GRHL1: variants seen among roughly 807,000 people sequenced by gnomAD.
GRHL1 encodes grainyhead like transcription factor 1, also known as grainyhead-like protein 1 homolog.
In GRHL1, 38 loss-of-function variants were observed where a neutral mutation model predicts 75.7. That is an observed-to-expected ratio of 0.50 (90% CI 0.39 to 0.66). GRHL1 has a LOEUF of 0.66. GRHL1 is among the 30% of genes least tolerant of loss of function. The pLI is 0.00. For missense variants in GRHL1, 589 were observed against 767.5 expected, an observed-to-expected ratio of 0.77 and a Z score of 2.75; for synonymous variants, 266 against 279.4, an observed-to-expected ratio of 0.95 and a Z score of 0.48.
intron 12 of GRHL1, among the ~76,000 whole-genome samples, chr2:9,994,868 G>A (rs1242300218): frequency 2.0e-5 from 3 of 152,142 alleles, no homozygotes; most frequent in African/African-American, 7.2e-5. Flanking sequence ...TCCTTGGTCT[G>A]TTCTCACCTT....
chr2:9,964,988 A>G (rs1396467842), intron 7 of GRHL1: 1 of 286,460 alleles, frequency 3.5e-6, no homozygotes, highest in African/African-American at 2.2e-5. Flanking sequence ...ACTCAGTTCT[A>G]ATCTTGGTTC....
intron 1 of GRHL1, chr2:9,952,856 A>G (rs1666850635): frequency 1.2e-5 from 4 of 333,270 alleles, no homozygotes; most frequent in South Asian, 9.5e-5. Context: ...TTTCTGGATG[A>G]GATAGATATT....
In GRHL1 at chr2:9,993,250, AT is replaced by A; in HGVS notation, c.1499+9del. ...GAAGAATTGGAGGGTGAAGGGTAAG[AT>A]TTATGTTTTGTTTTGTTTTGTTTTA... On this transcript the variant is annotated splice_region_variant and intron_variant, in intron 12 of 15. Coordinates refer to ENST00000324907, the MANE Select transcript of GRHL1 (RefSeq NM_198182.3). The A allele has an allele frequency of 6.2e-7, 1 of 1,607,806 alleles. No homozygotes were observed. Among genetic ancestry groups the A allele is most frequent in the Non-Finnish European group, 8.5e-7 (1 of 1,174,292 alleles).
At chr2:9,954,028 A>G (rs960127054) in intron 1 of GRHL1, among the ~76,000 whole-genome samples, 3 of 152,192 alleles carry the variant, frequency 2.0e-5, no homozygotes, top group Non-Finnish European at 4.4e-5. Context: ...GGAATTAGTA[A>G]TGTTTGCTTT....
intron 14 of GRHL1, among the ~76,000 whole-genome samples, chr2:9,997,325 A>C (rs1336843219): frequency 1.3e-5 from 2 of 152,140 alleles, no homozygotes; most frequent in Non-Finnish European, 2.9e-5. Context: ...GAAGATTAAT[A>C]AAGCAGGGAG....
At chr2:9,959,045 G>C (rs1572335536) in intron 3 of GRHL1, 189 bp downstream of exon 3, 1 of 807,358 alleles carries the variant, frequency 1.2e-6, no homozygotes, top group East Asian at 3.3e-5. Flanking sequence ...TTTTTCTTTG[G>C]GCGTAGTAGT....
intron 9 of GRHL1, among the ~76,000 whole-genome samples, chr2:9,989,727 T>C (rs900258848): frequency 6.6e-6 from 1 of 152,102 alleles, no homozygotes; most frequent in African/African-American, 2.4e-5. Context: ...TTTTTTGTAT[T>C]TTTAATGGAG....
rs772026086 is a variant in GRHL1, at chr2:9,986,180, G to A, written c.1167G>A (p.Lys389=). Residue 389 remains lysine, a synonymous_variant, in exon 9 of 16, where the codon AAG becomes AAA. Transcript: ENST00000324907. ...ATTTCTCTTCCCAGAAGGGAGTGAA[G>A]GGGTTGCCTCTTAACATTCAAGTTG... ...STDFSSQKGV[K]GLPLNIQVDT... 1 of 1,613,690 alleles carries A rather than the reference G, an allele frequency of 6.2e-7. No individual in the cohort carries two copies. The highest frequency in any genetic ancestry group is 1.7e-5 in the Admixed American group (1 of 59,972).
At chr2:9,978,846 C>T (rs1668063931) in intron 8 of GRHL1, among the ~76,000 whole-genome samples, 1 of 152,004 alleles carries the variant, frequency 6.6e-6, no homozygotes, top group South Asian at 2.1e-4. Flanking sequence ...CAAAGATTAG[C>T]CATGTGTGGT....
intron 2 of GRHL1, among the ~76,000 whole-genome samples, chr2:9,956,719 T>C (rs1667043819): frequency 6.6e-6 from 1 of 152,244 alleles, no homozygotes; most frequent in African/African-American, 2.4e-5. Flanking sequence ...AATTATTATA[T>C]ATCTGTTCTT....
chr2:9,995,587 A>C (rs1273533834), intron 12 of GRHL1, among the ~76,000 whole-genome samples: 2 of 85,446 alleles, frequency 2.3e-5, no homozygotes, highest in Non-Finnish European at 4.4e-5. Context: ...CCTGTCTCAC[A>C]AAAAAAAAAA....
Position 9,987,530 on chromosome 2 carries a change from C to T in GRHL1, c.1269+1248C>T, listed in dbSNP as rs1160057424. Among the ~76,000 whole-genome samples, 3 of 152,152 alleles carry T rather than the reference C, an allele frequency of 2.0e-5. No individual in the cohort carries two copies. Among genetic ancestry groups the T allele is most frequent in the Non-Finnish European group, 2.9e-5 (2 of 68,016 alleles). The stretch of plus-strand genomic sequence containing the variant: ...GTGCTGTGCCTTCACAGCCCTCTTC[C>T]CCAAAGGCCCTTCAATAAGCATGGG... On this transcript the variant is annotated intron_variant, in intron 9 of 15. Transcript: ENST00000324907. The surrounding 1 kb of genome is among the most constrained non-coding windows in gnomAD (Gnocchi z 4.2).
At chr2:9,960,872 C>G (rs1041613281) in intron 3 of GRHL1, 174 bp from the exon 4 acceptor site, 2 of 542,790 alleles carry the variant, frequency 3.7e-6, no homozygotes, top group African/African-American at 1.9e-5. Flanking sequence ...TTTATTTGAC[C>G]GATAACCAGA....
rs1668614016 is a variant in GRHL1, at chr2:9,990,964, C to A, written c.1321+217C>A. ...TTTCCTGGGGACTACAGGATAGATC[C>A]CTGGGTTTTCCCGACCTCAGCGTTT... On this transcript the variant is annotated intron_variant, in intron 10 of 15. Coordinates refer to ENST00000324907, the MANE Select transcript of GRHL1 (RefSeq NM_198182.3). The surrounding 1 kb of genome is among the most constrained non-coding windows in gnomAD (Gnocchi z 4.2). Among the ~76,000 whole-genome samples, 1 of 152,158 alleles carries A rather than the reference C, an allele frequency of 6.6e-6. No individual in the cohort carries two copies. The highest frequency in any genetic ancestry group is 1.5e-5 in the Non-Finnish European group (1 of 68,032).
chr2:9,991,097 A>G (rs1668623623), intron 10 of GRHL1, among the ~76,000 whole-genome samples: 1 of 152,226 alleles, frequency 6.6e-6, no homozygotes, highest in Admixed American at 6.5e-5. Context: ...TTTTAAAGTA[A>G]TAATAATGGT....
intron 8 of GRHL1, among the ~76,000 whole-genome samples, chr2:9,967,108 G>A (rs1667527622): frequency 6.6e-6 from 1 of 152,244 alleles, no homozygotes; most frequent in African/African-American, 2.4e-5. Flanking sequence ...TTGCCATTGG[G>A]GCCTCACTGA....
chr2:9,960,847 T>C (rs1667239440), intron 3 of GRHL1, 199 bp from the exon 4 acceptor site: 2 of 533,176 alleles, frequency 3.8e-6, no homozygotes, highest in Non-Finnish European at 6.6e-6. Context: ...GAAATTTTAC[T>C]TAATAGGTTT....
intron 3 of GRHL1, chr2:9,959,129 G>C (rs1300665655): frequency 4.2e-6 from 1 of 237,842 alleles, no homozygotes; most frequent in Non-Finnish European, 8.1e-6. Flanking sequence ...TTCAGTATTT[G>C]CTTATTTGTT....
At chr2:9,964,915 A>G (rs1667426161) in intron 7 of GRHL1, 1 of 188,600 alleles carries the variant, frequency 5.3e-6, no homozygotes, top group South Asian at 1.5e-4. Context: ...GCTGTTTAAT[A>G]TTAGTGTTAC....
Sources: gnomAD v4.1 joint callset for allele counts (sites outside exome capture counted in the v4.1 genomes callset) on GRCh38, gnomAD v4.1.1 for gene constraint, Gnocchi (gnomAD v3.1) non-coding constraint, MANE v1.5 for transcripts, NCBI Gene and HGNC (gene_info 2026-07-23, HGNC 2026-07-21) for gene names.